The following INVS variants were observed in gnomAD, a reference collection of about 807,000 sequenced individuals.
The protein encoded by INVS is inversin.
INVS carries 86 observed loss-of-function variants against 108.8 expected under a neutral mutation model. The observed-to-expected ratio is 0.79, with a 90% CI of 0.66 to 0.95. The LOEUF is 0.95. Among genes scored for constraint, INVS ranks in the 40% least tolerant of loss-of-function variants. INVS has a pLI of 0.00. For missense variants in INVS, 1,169 were observed against 1,297.4 expected (o/e 0.90, Z 1.52); for synonymous variants, 455 against 473.5 (o/e 0.96, Z 0.51).
intron 5 of INVS, among the ~76,000 whole-genome samples, chr9:100,236,459 AT>A (rs1270224285): frequency 6.6e-6 from 1 of 152,078 alleles, no homozygotes; most frequent in African/African-American, 2.4e-5. Flanking sequence ...AATTTTCAGC[AT>A]TTTTGCACAG....
At chr9:100,214,069 G>T (rs926578235) in intron 3 of INVS, among the ~76,000 whole-genome samples, 1 of 152,078 alleles carries the variant, frequency 6.6e-6, no homozygotes. Flanking sequence ...TAGGACCATC[G>T]CTTTAATTTG....
chr9:100,250,571 A>G (rs1457105163), intron 8 of INVS, among the ~76,000 whole-genome samples: 1 of 152,148 alleles, frequency 6.6e-6, no homozygotes, highest in African/African-American at 2.4e-5. Flanking sequence ...TTCCCAGGCT[A>G]TATGGACAAA....
chr9:100,207,490 G>A (rs193149205), intron 3 of INVS, among the ~76,000 whole-genome samples: 6 of 151,878 alleles, frequency 4.0e-5, no homozygotes, highest in Admixed American at 3.9e-4. Flanking sequence ...ATGGGGTTTC[G>A]TCGTGTTGGC....
At chr9:100,298,125 G>A in intron 16 of INVS, 115 bp downstream of exon 16, 1 of 1,571,862 alleles carries the variant, frequency 6.4e-7, no homozygotes, top group Non-Finnish European at 8.6e-7. Context: ...TTTTCCAATG[G>A]TCATTTGATT....
chr9:100,258,758 C>T (rs1004763836), intron 10 of INVS, among the ~76,000 whole-genome samples: 10 of 152,162 alleles, frequency 6.6e-5, no homozygotes, highest in South Asian at 4.1e-4. Flanking sequence ...CAAATGTTGC[C>T]GCCTGATCCT....
chr9:100,198,264 ATTT>A (rs66710233), intron 3 of INVS, among the ~76,000 whole-genome samples: 1 of 65,216 alleles, frequency 1.5e-5, no homozygotes, highest in Non-Finnish European at 2.8e-5. Flanking sequence ...GAGGGCTAGA[ATTT>A]TTTTTTTTTT....
intron 3 of INVS, among the ~76,000 whole-genome samples, chr9:100,172,191 A>G (rs1209903490): frequency 6.6e-6 from 1 of 152,184 alleles, no homozygotes; most frequent in Non-Finnish European, 1.5e-5. Context: ...TAAGAATAAC[A>G]TTGGACCCTT....
chr9:100,254,577 T>G (rs1489073112), intron 10 of INVS, among the ~76,000 whole-genome samples: 1 of 152,230 alleles, frequency 6.6e-6, no homozygotes, highest in East Asian at 1.9e-4. Flanking sequence ...TTAATCCATC[T>G]TGAATTAATT....
chr9:100,193,674 G>A (rs563634707), intron 3 of INVS, among the ~76,000 whole-genome samples: 2 of 152,132 alleles, frequency 1.3e-5, no homozygotes, highest in South Asian at 4.1e-4. Context: ...AGAATTTTAT[G>A]TAAGTGAAAT....
rs921652593 is a variant in INVS, at chr9:100,169,543, T to TA, written c.273+43001dup. Reference sequence around the variant, plus strand: ...ATGATAAATGTTAAACACAATTTTATAAAAAAAGTATAAACTTCTTTATGA... The same window carrying TA: ...ATGATAAATGTTAAACACAATTTTATAAAAAAAAGTATAAACTTCTTTATGA... On this transcript the variant is annotated intron_variant, in intron 3 of 16. Transcript: ENST00000262457. 4.3e-4 allele frequency among the ~76,000 whole-genome samples: 65 copies of TA among 152,272 alleles called. No homozygotes were observed. The Middle Eastern group carries it at 0.017, about 40-fold the overall frequency.
In INVS at chr9:100,292,755, A is replaced by G; in HGVS notation, c.2498A>G (p.Asn833Ser). The change falls in exon 14 of 17, where the codon AAC (asparagine) becomes AGC (serine). Residue 833 changes from asparagine to serine, a missense_variant. Transcript: ENST00000262457. ...CCTCCCCACCATCGTACACCAAGAA[A>G]CAAAGTGACACAAGCCAAGCTCACA... Reference protein sequence around the residue: ...QNPPHHRTPRNKVTQAKLTGG... With the variant: ...QNPPHHRTPRSKVTQAKLTGG... 6.2e-7 allele frequency: 1 copy of G among 1,614,132 alleles called. No individual in the cohort carries two copies. The highest frequency in any genetic ancestry group is 1.3e-5 in the African/African-American group (1 of 75,018).
At chr9:100,113,537 C>T (rs1827412989) in intron 2 of INVS, among the ~76,000 whole-genome samples, 1 of 152,094 alleles carries the variant, frequency 6.6e-6, no homozygotes. Flanking sequence ...CAAAACAACC[C>T]AGGCATTTAT....
chr9:100,151,356 G>A (rs1828801604), intron 3 of INVS, among the ~76,000 whole-genome samples: 1 of 152,090 alleles, frequency 6.6e-6, no homozygotes, highest in Non-Finnish European at 1.5e-5. Context: ...GTGCATGCCT[G>A]TGGTCCTAGC....
In INVS at chr9:100,252,426, A is replaced by G; in HGVS notation, c.1222A>G (p.Thr408Ala). The change falls in exon 9 of 17, where the codon ACA becomes GCA. Residue 408 changes from threonine (T) to alanine (A), a missense_variant. Physicochemically the swap from Thr to Ala is moderately conservative, Grantham distance 58. This residue lies in a region of INVS where 271 missense variants were observed against 363.8 expected (regional missense o/e 0.74). Transcript: ENST00000262457. Reference protein sequence around the residue: ...CEMGHKDVIQTLIKGGARVDL... With the variant: ...CEMGHKDVIQALIKGGARVDL... ...GATGGGACACAAAGATGTGATTCAGACACTCATTAAAGGTGGGCTAATAAG... is the reference window on the plus strand; with the variant it reads ...GATGGGACACAAAGATGTGATTCAGGCACTCATTAAAGGTGGGCTAATAAG... 1 of 1,613,902 alleles carries G rather than the reference A, an allele frequency of 6.2e-7. No individual in the cohort carries two copies. Among genetic ancestry groups the G allele is most frequent in the Non-Finnish European group, 8.5e-7 (1 of 1,179,804 alleles).
intron 3 of INVS, among the ~76,000 whole-genome samples, chr9:100,127,378 T>C (rs1825184970): frequency 6.6e-6 from 1 of 152,160 alleles, no homozygotes; most frequent in Non-Finnish European, 1.5e-5. Flanking sequence ...AGAGCTCAGA[T>C]TTTTAAGATT....
At chr9:100,274,529 C>T (rs1044881900) in intron 12 of INVS, among the ~76,000 whole-genome samples, 81 of 151,920 alleles carry the variant, frequency 5.3e-4, no homozygotes, top group Non-Finnish European at 1.6e-4. Flanking sequence ...TTTTTTGAGA[C>T]AGTCTCTCGC....
chr9:100,146,045 G>A (rs1440604179), intron 3 of INVS, among the ~76,000 whole-genome samples: 1 of 151,924 alleles, frequency 6.6e-6, no homozygotes, highest in Non-Finnish European at 1.5e-5. Flanking sequence ...TTTTCACGGA[G>A]CAAAGAGCAG....
intron 5 of INVS, 82 bp downstream of exon 5, chr9:100,229,909 T>C: frequency 2.0e-5 from 27 of 1,345,290 alleles, no homozygotes; most frequent in Non-Finnish European, 2.8e-5. Context: ...AAAGTGTATA[T>C]TTGACGTACA....
At chr9:100,153,106 T>G (rs1415704841) in intron 3 of INVS, among the ~76,000 whole-genome samples, 2 of 151,904 alleles carry the variant, frequency 1.3e-5, no homozygotes, top group African/African-American at 2.4e-5. Context: ...TGTAAAATGT[T>G]AAACATACCA....
Sources: gnomAD v4.1 joint callset for allele counts (sites outside exome capture counted in the v4.1 genomes callset) on GRCh38, gnomAD v4.1.1 for gene constraint, gnomAD v4.1.1 regional missense constraint, MANE v1.5 for transcripts, NCBI Gene and HGNC (gene_info 2026-07-23, HGNC 2026-07-21) for gene names.